NAV3: variants seen among roughly 807,000 people sequenced by gnomAD.
The protein encoded by NAV3 is pore membrane and/or filament interacting like protein 1.
In NAV3, 87 loss-of-function variants were observed where a neutral mutation model predicts 244.7. The ratio of observed to expected loss-of-function variants is 0.36; its 90% CI spans 0.30 to 0.42. NAV3 has a LOEUF of 0.42. Among genes scored for constraint, NAV3 ranks in the 20% least tolerant of loss-of-function variants. NAV3 has a pLI of 1.00. For missense variants in NAV3, 2,663 were observed against 2,893.3 expected (o/e 0.92, Z 1.83); for synonymous variants, 1,126 against 1,042.2 (o/e 1.08, Z -1.55).
At chr12:78,048,002 C>T (rs187348375) in intron 9 of NAV3, among the ~76,000 whole-genome samples, 1 of 152,212 alleles carries the variant, frequency 6.6e-6, no homozygotes, top group Admixed American at 6.5e-5. Context: ...ATCTATTTGG[C>T]TATTTCTACT....
chr12:77,760,266 A>G (rs2135834117), intron 2 of NAV3, among the ~76,000 whole-genome samples: 1 of 152,322 alleles, frequency 6.6e-6, no homozygotes, highest in Admixed American at 6.5e-5. Flanking sequence ...ATCCAGGTGG[A>G]GATCAATTTT....
At chr12:77,985,419 A>C (rs1334111902) in intron 5 of NAV3, among the ~76,000 whole-genome samples, 2 of 152,162 alleles carry the variant, frequency 1.3e-5, no homozygotes, top group Non-Finnish European at 2.9e-5. Context: ...TTTCTTATTT[A>C]TTCATTAATT....
intron 3 of NAV3, among the ~76,000 whole-genome samples, chr12:77,964,263 T>A (rs143668690): frequency 6.6e-6 from 1 of 152,116 alleles, no homozygotes; most frequent in African/African-American, 2.4e-5. Context: ...GCTAATCTGT[T>A]CATGTATAAT....
Position 77,646,249 on chromosome 12 carries a change from A to C in NAV3, c.72+73983A>C, listed in dbSNP as rs570382260. Among the ~76,000 whole-genome samples the C allele has an allele frequency of 3.9e-5, 6 of 152,278 alleles. No homozygotes were observed. The East Asian group carries it at 1.2e-3, about 29-fold the overall frequency. ...TGGTCACTAATTAAAAGACAAGTCC[A>C]AATTAAAAGCAATAGGAAGCAGCTG... On this transcript the variant is annotated intron_variant, in intron 2 of 8. Transcript: ENST00000550042.
At chr12:77,836,346 A>G (rs1168871785) in intron 1 of NAV3, among the ~76,000 whole-genome samples, 1 of 151,846 alleles carries the variant, frequency 6.6e-6, no homozygotes, top group African/African-American at 2.4e-5. Flanking sequence ...CCTTTCTTTT[A>G]CTCCTATTTT....
At chr12:78,089,667 C>T (rs1029354143) in intron 12 of NAV3, among the ~76,000 whole-genome samples, 1 of 152,052 alleles carries the variant, frequency 6.6e-6, no homozygotes, top group Non-Finnish European at 1.5e-5. Context: ...AATTAGAACT[C>T]AAGGTATGAT....
intron 34 of NAV3, among the ~76,000 whole-genome samples, chr12:78,194,630 G>A (rs1304340442): frequency 6.6e-6 from 1 of 151,958 alleles, no homozygotes; most frequent in African/African-American, 2.4e-5. Context: ...ACTTACTCAG[G>A]TCACCAGAAG....
chr12:78,030,744 A>G (rs1739541235), intron 9 of NAV3, among the ~76,000 whole-genome samples: 1 of 152,218 alleles, frequency 6.6e-6, no homozygotes, highest in South Asian at 2.1e-4. Context: ...AAATAAATGA[A>G]TAAATAGGCA....
intron 1 of NAV3, among the ~76,000 whole-genome samples, chr12:77,867,409 T>TGTC: frequency 6.6e-6 from 1 of 151,452 alleles, no homozygotes; most frequent in Non-Finnish European, 1.5e-5. Context: ...ATGTTTTTGT[T>TGTC]GTTGTTGTTG....
At chr12:78,109,447 T>C (rs1307310947) in intron 12 of NAV3, among the ~76,000 whole-genome samples, 3 of 152,086 alleles carry the variant, frequency 2.0e-5, no homozygotes, top group African/African-American at 7.2e-5. Flanking sequence ...TGGCTCATTC[T>C]ACATGACCAG....
intron 9 of NAV3, chr12:78,037,331 G>T: frequency 1.4e-6 from 1 of 702,962 alleles, no homozygotes; most frequent in South Asian, 1.5e-5. Context: ...TGGATGAGGA[G>T]GTGATCCTTA....
Position 78,006,994 on chromosome 12 carries a change from G to A in NAV3, c.1456G>A (p.Glu486Lys), listed in dbSNP as rs2136580793. 2 of 1,614,132 alleles carry A rather than the reference G, an allele frequency of 1.2e-6. No individual in the cohort carries two copies. Among genetic ancestry groups the A allele is most frequent in the Non-Finnish European group, 1.7e-6 (2 of 1,180,014 alleles). The change falls in exon 8 of 40, where the codon GAA becomes AAA. Residue 486 changes from glutamate to lysine, a missense_variant. By Grantham distance (56) the Glu-to-Lys change is moderately conservative (BLOSUM62 1). Coordinates refer to ENST00000397909, the MANE Select transcript of NAV3 (RefSeq NM_001024383.2). ...AGTTTGCACTGAAAAACCAGTCAAA[G>A]AAGAGAAGGATCAGGTGACAGAGAT... ...NKVCTEKPVK[E>K]EKDQVTEMAP...
At chr12:77,643,734 A>G (rs1391603020) in intron 2 of NAV3, among the ~76,000 whole-genome samples, 1 of 151,976 alleles carries the variant, frequency 6.6e-6, no homozygotes, top group Admixed American at 6.6e-5. Context: ...TTCATGAGTT[A>G]TTAGATAAAC....
intron 1 of NAV3, among the ~76,000 whole-genome samples, chr12:77,863,897 T>G (rs1879626874): frequency 6.6e-6 from 1 of 151,864 alleles, no homozygotes; most frequent in African/African-American, 2.4e-5. Context: ...GGTTATAAAA[T>G]CAGAAAATGA....
intron 2 of NAV3, among the ~76,000 whole-genome samples, chr12:77,780,288 A>G (rs969920562): frequency 5.9e-5 from 9 of 152,170 alleles, no homozygotes. Flanking sequence ...GAGCCCTCAC[A>G]GGTTAGGCAA....
At chr12:78,031,431 T>A (rs1022596236) in intron 9 of NAV3, among the ~76,000 whole-genome samples, 1 of 152,024 alleles carries the variant, frequency 6.6e-6, no homozygotes, top group African/African-American at 2.4e-5. Flanking sequence ...AGTGACTGTT[T>A]GAGGACTGGA....
chr12:77,849,952 C>T (rs912948809), intron 1 of NAV3, among the ~76,000 whole-genome samples: 55 of 152,172 alleles, frequency 3.6e-4, no homozygotes, highest in African/African-American at 1.3e-3. Context: ...AATTAAGACT[C>T]GGCAGATTGA....
At position 77,702,576 on chromosome 12, in the gene NAV3, C is replaced by T. The variant is rs569031205; in HGVS notation, c.72+130310C>T. On this transcript the variant is annotated intron_variant, in intron 2 of 8. Coordinates refer to the NAV3 transcript ENST00000550042. ...AACAGATTTGAATTTTTTATTATTC[C>T]TTTGTTTACTTTTTGTTTTTTGCTC... Among the ~76,000 whole-genome samples, 25 of 151,714 alleles carry T rather than the reference C, an allele frequency of 1.6e-4. No individual in the cohort carries two copies. In the South Asian group the frequency reaches 4.8e-3, roughly 29 times the overall value.
At chr12:78,040,723 A>G (rs1219640472) in intron 9 of NAV3, among the ~76,000 whole-genome samples, 1 of 152,144 alleles carries the variant, frequency 6.6e-6, no homozygotes, top group East Asian at 1.9e-4. Flanking sequence ...TCCCCCACCA[A>G]GTAAAAAAAA....
Sources: gnomAD v4.1 joint callset for allele counts (sites outside exome capture counted in the v4.1 genomes callset) on GRCh38, gnomAD v4.1.1 for gene constraint, MANE v1.5 for transcripts, NCBI Gene and HGNC (gene_info 2026-07-23, HGNC 2026-07-21) for gene names.